LRRC4C: variants seen among roughly 807,000 people sequenced by gnomAD.
LRRC4C encodes leucine rich repeat containing 4C.
Under a neutral mutation model 33.6 loss-of-function variants are expected in LRRC4C, and 5 were observed. That is an observed-to-expected ratio of 0.15 (90% CI 0.08 to 0.31). The LOEUF (loss-of-function observed/expected upper bound fraction) is 0.31. Ranked by LOEUF, LRRC4C falls within the 10% of genes least tolerant of loss-of-function variation. The pLI, the probability that LRRC4C is intolerant of heterozygous loss-of-function variation, is 1.00. For missense variants in LRRC4C, 560 were observed against 796.7 expected (o/e 0.70, Z 3.58); for synonymous variants, 329 against 302.0 (o/e 1.09, Z -0.93).
At chr11:40,972,528 A>G (rs761379750) in intron 1 of LRRC4C, among the ~76,000 whole-genome samples, 2 of 152,146 alleles carry the variant, frequency 1.3e-5, no homozygotes, top group Non-Finnish European at 2.9e-5. Context: ...ATACTACTAT[A>G]AAGAACTGTC....
intron 1 of LRRC4C, among the ~76,000 whole-genome samples, chr11:41,108,153 G>T (rs1163290839): frequency 1.3e-5 from 2 of 151,952 alleles, no homozygotes; most frequent in Non-Finnish European, 2.9e-5. Flanking sequence ...AACAAATATT[G>T]TATCATTATA....
chr11:41,174,074 A>C (rs1195462612), intron 1 of LRRC4C, among the ~76,000 whole-genome samples: 1 of 152,112 alleles, frequency 6.6e-6, no homozygotes, highest in Non-Finnish European at 1.5e-5. Flanking sequence ...CAGATGACCA[A>C]TGAAATCATA....
intron 1 of LRRC4C, among the ~76,000 whole-genome samples, chr11:41,021,030 C>T (rs926198764): frequency 6.6e-6 from 1 of 152,100 alleles, no homozygotes; most frequent in African/African-American, 2.4e-5. Flanking sequence ...TAACCTTTTC[C>T]TTCACAGCAT....
intron 1 of LRRC4C, among the ~76,000 whole-genome samples, chr11:41,072,757 C>T (rs1318698714): frequency 6.6e-6 from 1 of 152,054 alleles, no homozygotes; most frequent in African/African-American, 2.4e-5. Context: ...CTTCCTTACC[C>T]CTGTGCAATT....
At position 40,268,512 on chromosome 11, in the gene LRRC4C, T is replaced by G. The variant is rs371959679; in HGVS notation, c.-175-26914A>C. 2.3e-4 allele frequency among the ~76,000 whole-genome samples: 35 copies of G among 152,304 alleles called. No individual in the cohort carries two copies. The East Asian group carries it at 5.6e-3, about 24-fold the overall frequency. ...CTTAAAATTCATCATGAATTTATAT[T>G]ACTGTCAATGGTACTGTATATTTAA... On this transcript the variant is annotated intron_variant, in intron 4 of 6. Coordinates refer to ENST00000528697, the MANE Select transcript of LRRC4C (RefSeq NM_001258419.2).
intron 5 of LRRC4C, among the ~76,000 whole-genome samples, chr11:40,150,788 T>C (rs1181663823): frequency 3.3e-5 from 5 of 152,124 alleles, no homozygotes; most frequent in African/African-American, 9.7e-5. Flanking sequence ...TGAGAACTAA[T>C]TGAAGGGAGA....
intron 2 of LRRC4C, among the ~76,000 whole-genome samples, chr11:40,763,065 A>G (rs544342822): frequency 6.8e-6 from 1 of 146,900 alleles, no homozygotes; most frequent in East Asian, 2.0e-4. Context: ...ATATATATGT[A>G]TATATATGTA....
At chr11:41,280,248 G>A (rs1437464617) in intron 1 of LRRC4C, among the ~76,000 whole-genome samples, 1 of 152,240 alleles carries the variant, frequency 6.6e-6, no homozygotes, top group African/African-American at 2.4e-5. Flanking sequence ...CGAAAGTCAG[G>A]CTTCATCTGT....
intron 5 of LRRC4C, among the ~76,000 whole-genome samples, chr11:40,198,888 T>C (rs1313463247): frequency 6.6e-6 from 1 of 152,174 alleles, no homozygotes. Flanking sequence ...TTATCTTCTC[T>C]AGAAGTTCCC....
At chr11:41,091,505 T>C (rs1461547450) in intron 1 of LRRC4C, among the ~76,000 whole-genome samples, 3 of 152,050 alleles carry the variant, frequency 2.0e-5, no homozygotes, top group African/African-American at 7.2e-5. Flanking sequence ...CTCATTCTTT[T>C]AGAATGAGGA....
chr11:41,145,430 G>T (rs568958231), intron 1 of LRRC4C, among the ~76,000 whole-genome samples: 3 of 152,066 alleles, frequency 2.0e-5, no homozygotes, highest in Non-Finnish European at 4.4e-5. Flanking sequence ...CAAACTACAC[G>T]CTATGGTCAA....
intron 2 of LRRC4C, among the ~76,000 whole-genome samples, chr11:40,817,707 A>G (rs1433753715): frequency 6.6e-6 from 1 of 152,142 alleles, no homozygotes; most frequent in Non-Finnish European, 1.5e-5. Flanking sequence ...TCTTCCTTAC[A>G]TTAAAAGTTA....
intron 1 of LRRC4C, among the ~76,000 whole-genome samples, chr11:41,013,363 G>A (rs1855350346): frequency 6.6e-6 from 1 of 152,018 alleles, no homozygotes; most frequent in African/African-American, 2.4e-5. Flanking sequence ...GTTCTCCTTT[G>A]AGCTGTAAAT....
chr11:40,670,799 T>G (rs1944053277), intron 2 of LRRC4C, among the ~76,000 whole-genome samples: 1 of 152,188 alleles, frequency 6.6e-6, no homozygotes, highest in Non-Finnish European at 1.5e-5. Context: ...AGCATCGCTC[T>G]GTCGCCCAGG....
intron 1 of LRRC4C, among the ~76,000 whole-genome samples, chr11:41,068,813 G>A (rs946277911): frequency 1.3e-5 from 2 of 151,990 alleles, no homozygotes; most frequent in Non-Finnish European, 2.9e-5. Flanking sequence ...AGAACCAGAT[G>A]GATTAACGGC....
chr11:40,616,830 C>A (rs1961889156), intron 3 of LRRC4C, among the ~76,000 whole-genome samples: 1 of 150,960 alleles, frequency 6.6e-6, no homozygotes, highest in South Asian at 2.1e-4. Context: ...TTAATGGGTG[C>A]AGCACACCAA....
chr11:40,987,661 TATGA>T (rs1565274568), intron 1 of LRRC4C, among the ~76,000 whole-genome samples: 1 of 37,146 alleles, frequency 2.7e-5, no homozygotes, highest in African/African-American at 1.0e-4. Context: ...ATCTCATATA[TATGA>T]GATATAAATG....
intron 1 of LRRC4C, among the ~76,000 whole-genome samples, chr11:41,002,355 G>A (rs1035807982): frequency 6.6e-6 from 1 of 152,098 alleles, no homozygotes; most frequent in Non-Finnish European, 1.5e-5. Context: ...TCTGAGTGTT[G>A]TTCTCAAATT....
rs140144858 is a variant in LRRC4C at position 40,262,625 on chromosome 11, A to G, written c.-175-21027T>C. Among the ~76,000 whole-genome samples the G allele has an allele frequency of 4.4e-3, 668 of 152,344 alleles. 3 individuals carry two copies. The highest frequency in any genetic ancestry group is 0.015 in the African/African-American group (640 of 41,576). ...AGACTGGATAAAGAACATGTGGCAC[A>G]TATACACCATGGAATACTATGCAGC... On this transcript the variant is annotated intron_variant, in intron 4 of 6. Coordinates refer to ENST00000528697, the MANE Select transcript of LRRC4C (RefSeq NM_001258419.2).
Sources: allele counts gnomAD v4.1 joint callset (sites outside exome capture counted in the v4.1 genomes callset), GRCh38; gene constraint gnomAD v4.1.1; transcripts MANE v1.5; gene names NCBI Gene and HGNC (gene_info 2026-07-23, HGNC 2026-07-21).